The following DOCK4 variants were observed in gnomAD, a reference collection of about 807,000 sequenced individuals.
DOCK4 encodes the protein dedicator of cytokinesis protein 4.
A neutral mutation model predicts 268.1 loss-of-function variants in DOCK4; 97 were observed. The ratio of observed to expected loss-of-function variants is 0.36; its 90% confidence interval spans 0.31 to 0.43. The LOEUF (loss-of-function observed/expected upper bound fraction) is 0.43, where lower values mean the gene tolerates loss of function less well. DOCK4 is among the 20% of genes least tolerant of loss of function. DOCK4 has a pLI of 1.00. For missense variants in DOCK4, 2,145 were observed against 2,455.7 expected (o/e 0.87, Z 2.67); for synonymous variants, 954 against 887.2 (o/e 1.08, Z -1.34).
chr7:112,165,576 C>A (rs1423813622), intron 1 of DOCK4, among the ~76,000 whole-genome samples: 3 of 146,410 alleles, frequency 2.0e-5, no homozygotes, highest in Non-Finnish European at 4.5e-5. Context: ...GTGTGTGTAT[C>A]CCATTTCTTT....
Position 111,951,086 on chromosome 7 carries a change from T to C in DOCK4, c.702-5288A>G, listed in dbSNP as rs79249355. Reference sequence around the variant, plus strand: ...ATGTATGAGTCATTATAAATCATGATACTATAAATCAAAAATGACTATTTC... The same window carrying C: ...ATGTATGAGTCATTATAAATCATGACACTATAAATCAAAAATGACTATTTC... On this transcript the variant is annotated intron_variant, in intron 8 of 52. Transcript: ENST00000428084. 3.3e-4 allele frequency among the ~76,000 whole-genome samples: 50 copies of C among 152,292 alleles called. No homozygotes were observed. In the East Asian group the frequency reaches 8.9e-3, roughly 27 times the overall value.
intron 35 of DOCK4, among the ~76,000 whole-genome samples, chr7:111,781,508 C>T (rs1798781295): frequency 6.6e-6 from 1 of 152,158 alleles, no homozygotes; most frequent in South Asian, 2.1e-4. Flanking sequence ...GGCTAATGGC[C>T]TGCAGGTTAC....
intron 1 of DOCK4, among the ~76,000 whole-genome samples, chr7:112,175,879 G>A (rs1818467335): frequency 6.6e-6 from 1 of 152,114 alleles, no homozygotes; most frequent in South Asian, 2.1e-4. Context: ...ATTTAAGTGT[G>A]CTATAATAAC....
chr7:112,051,743 A>G (rs188653136), intron 1 of DOCK4, among the ~76,000 whole-genome samples: 3 of 152,112 alleles, frequency 2.0e-5, no homozygotes, highest in Non-Finnish European at 2.9e-5. Context: ...TTATTATATG[A>G]GATGATTTCA....
chr7:111,835,448 T>A (rs1009755418), intron 25 of DOCK4, among the ~76,000 whole-genome samples: 1 of 152,172 alleles, frequency 6.6e-6, no homozygotes, highest in Non-Finnish European at 1.5e-5. Flanking sequence ...TCTTAAAAAT[T>A]AACAATAAAA....
intron 8 of DOCK4, among the ~76,000 whole-genome samples, chr7:111,960,263 C>T (rs1796762462): frequency 6.6e-6 from 1 of 150,940 alleles, no homozygotes; most frequent in African/African-American, 2.4e-5. Flanking sequence ...TACTTGGAGG[C>T]TGAGGCAGGA....
chr7:111,740,419 G>GA (rs774401286), intron 47 of DOCK4, among the ~76,000 whole-genome samples: 15 of 144,080 alleles, frequency 1.0e-4, no homozygotes, highest in East Asian at 2.3e-4. Flanking sequence ...TCTTCTTAAA[G>GA]AAAAAAAAAG....
At chr7:111,762,521 A>G (rs1278723206) in intron 39 of DOCK4, among the ~76,000 whole-genome samples, 1 of 152,088 alleles carries the variant, frequency 6.6e-6, no homozygotes, top group East Asian at 1.9e-4. Context: ...AGCACATATA[A>G]GTATTTCCTT....
intron 1 of DOCK4, among the ~76,000 whole-genome samples, chr7:112,169,584 C>A (rs555746273): frequency 5.3e-5 from 8 of 152,190 alleles, no homozygotes; most frequent in African/African-American, 1.7e-4. Context: ...AACATCATGC[C>A]ACTAGTTAAG....
chr7:111,831,448 T>A (rs1802803634), intron 26 of DOCK4, among the ~76,000 whole-genome samples: 1 of 152,108 alleles, frequency 6.6e-6, no homozygotes, highest in Non-Finnish European at 1.5e-5. Context: ...CCTCTCATCT[T>A]GACTTCAGTG....
intron 8 of DOCK4, among the ~76,000 whole-genome samples, chr7:111,954,544 G>A (rs1292769450): frequency 6.6e-6 from 1 of 152,100 alleles, no homozygotes; most frequent in Admixed American, 6.6e-5. Context: ...TCCCTCCTCA[G>A]GCCCAGTCCC....
At chr7:112,008,644 A>G (rs1188126076) in intron 1 of DOCK4, among the ~76,000 whole-genome samples, 1 of 152,234 alleles carries the variant, frequency 6.6e-6, no homozygotes, top group African/African-American at 2.4e-5. Context: ...ACTGAATACA[A>G]AGAAACTCAA....
intron 8 of DOCK4, among the ~76,000 whole-genome samples, chr7:111,951,163 T>C (rs1405724867): frequency 1.3e-5 from 2 of 152,192 alleles, no homozygotes; most frequent in African/African-American, 4.8e-5. Context: ...ATAACCTTTC[T>C]TCTTCCAACA....
At chr7:112,037,540 G>A (rs1037208360) in intron 1 of DOCK4, among the ~76,000 whole-genome samples, 2 of 151,976 alleles carry the variant, frequency 1.3e-5, no homozygotes, top group South Asian at 2.1e-4. Flanking sequence ...TTATATAAAC[G>A]GACTCATACA....
At chr7:111,869,552 G>A (rs1297445962) in intron 21 of DOCK4, 22 bp downstream of exon 21, 1 of 1,611,018 alleles carries the variant, frequency 6.2e-7, no homozygotes, top group South Asian at 1.1e-5. Context: ...AGACTCTGCT[G>A]TTATCAACAG....
At chr7:112,036,794 G>A (rs1297319888) in intron 1 of DOCK4, among the ~76,000 whole-genome samples, 3 of 151,740 alleles carry the variant, frequency 2.0e-5, no homozygotes, top group Non-Finnish European at 2.9e-5. Context: ...CCAAGTCACT[G>A]GAATTACAGG....
At chr7:112,093,717 G>T (rs1172714944) in intron 1 of DOCK4, among the ~76,000 whole-genome samples, 1 of 152,090 alleles carries the variant, frequency 6.6e-6, no homozygotes, top group Non-Finnish European at 1.5e-5. Context: ...CAGCAATTTT[G>T]ATTCTAGTTT....
At chr7:112,128,993 G>A (rs1460010838) in intron 1 of DOCK4, among the ~76,000 whole-genome samples, 1 of 152,180 alleles carries the variant, frequency 6.6e-6, no homozygotes, top group Non-Finnish European at 1.5e-5. Flanking sequence ...AGCAGGTTGG[G>A]TGTTGCTTAT....
chr7:112,200,725 T>TTAAAAAAAAAAAAAAAAAAAAAAAAAAA (rs1554478846), intron 1 of DOCK4, among the ~76,000 whole-genome samples: 1 of 102,766 alleles, frequency 9.7e-6, no homozygotes, highest in African/African-American at 3.3e-5. Context: ...GCCTCTAAAA[T>TTAAAAAAAAAAAAAAAAAAAAAAAAAAA]AAAAAAAAAA....
Sources: allele counts gnomAD v4.1 joint callset (sites outside exome capture counted in the v4.1 genomes callset), GRCh38; gene constraint gnomAD v4.1.1; transcripts MANE v1.5; gene names NCBI Gene and HGNC (gene_info 2026-07-23, HGNC 2026-07-21).